S100PBP: variants seen among roughly 807,000 people sequenced by gnomAD.
The protein encoded by S100PBP is S100P binding protein, also known as S100P-binding protein.
A neutral mutation model predicts 39.9 loss-of-function variants in S100PBP; 15 were observed. That is an observed-to-expected ratio of 0.38 (90% CI 0.25 to 0.58). The LOEUF (loss-of-function observed/expected upper bound fraction) is 0.58. Among genes scored for constraint, S100PBP ranks in the 20% least tolerant of loss-of-function variants. The pLI is 0.70. For missense variants in S100PBP, 504 were observed against 487.3 expected (o/e 1.03, Z -0.32); for synonymous variants, 178 against 180.3 (o/e 0.99, Z 0.10).
rs774041376 is a variant in S100PBP, at chr1:32,828,062, G to A, written c.901G>A (p.Val301Ile). 1.9e-6 allele frequency: 3 copies of A among 1,603,812 alleles called. No individual in the cohort carries two copies. The highest frequency in any genetic ancestry group is 1.3e-5 in the African/African-American group (1 of 74,582). ...HERRLGKVIP[V>I]LQTKTRTNVP... ...GAGAAGACTAGGCAAAGTCATTCCTGTTCTACAAACTAAGACCAGGTAATG... is the reference window on the plus strand; with the variant it reads ...GAGAAGACTAGGCAAAGTCATTCCTATTCTACAAACTAAGACCAGGTAATG... The change falls in exon 4 of 7, where the codon GTT (valine) becomes ATT (isoleucine). Residue 301 changes from valine to isoleucine, a missense_variant. Val to Ile is a conservative substitution (Grantham distance 29). Coordinates refer to ENST00000373475, the MANE Select transcript of S100PBP (RefSeq NM_022753.4).
chr1:32,826,577 C>G lies in S100PBP; in HGVS notation c.478C>G (p.Leu160Val). The change falls in exon 3 of 7, where the codon CTT becomes GTT. Residue 160 changes from leucine to valine, a missense_variant. Coordinates refer to ENST00000373475, the MANE Select transcript of S100PBP (RefSeq NM_022753.4). Reference sequence around the variant, plus strand: ...TAATCCAACAGTTTGTGATGCTCTGCTTGATAAGGACGAGACTGATTCGTC... The same window carrying G: ...TAATCCAACAGTTTGTGATGCTCTGGTTGATAAGGACGAGACTGATTCGTC... ...PFNPTVCDAL[L>V]DKDETDSSKD... The G allele has an allele frequency of 6.2e-7, 1 of 1,613,780 alleles. No homozygotes were observed. The highest frequency in any genetic ancestry group is 8.5e-7 in the Non-Finnish European group (1 of 1,179,984).
chr1:32,836,667 C>A, intron 5 of S100PBP: 1 of 733,360 alleles, frequency 1.4e-6, no homozygotes, highest in Non-Finnish European at 1.7e-6. Context: ...TGTTCTACTG[C>A]TCCAATTTGC....
chr1:32,843,248 G>A (rs995604559), intron 5 of S100PBP: 1 of 152,116 alleles, frequency 6.6e-6, no homozygotes, highest in Non-Finnish European at 1.5e-5. Flanking sequence ...TGACTTGGAT[G>A]CCTTTTATTT....
intron 5 of S100PBP, among the ~76,000 whole-genome samples, chr1:32,843,470 T>C (rs978501769): frequency 1.3e-5 from 2 of 151,880 alleles, no homozygotes; most frequent in Non-Finnish European, 2.9e-5. Flanking sequence ...AATTTTTTTT[T>C]TTTTGAGATG....
At chr1:32,820,925 A>G (rs903597386) in intron 1 of S100PBP, among the ~76,000 whole-genome samples, 3 of 152,200 alleles carry the variant, frequency 2.0e-5, no homozygotes, top group Non-Finnish European at 4.4e-5. Context: ...GCAGTGAGCT[A>G]TGATCACGCC....
intron 1 of S100PBP, among the ~76,000 whole-genome samples, chr1:32,819,887 T>C (rs960559493): frequency 6.6e-6 from 1 of 152,192 alleles, no homozygotes; most frequent in African/African-American, 2.4e-5. Flanking sequence ...TTTAGATGCA[T>C]GTTCTCATCT....
At chr1:32,824,904 A>G (rs1418276172) in intron 1 of S100PBP, 1 of 147,784 alleles carries the variant, frequency 6.8e-6, no homozygotes, top group Non-Finnish European at 1.5e-5. Flanking sequence ...AACCTTAGAC[A>G]TTGCCTAGCA....
intron 4 of S100PBP, among the ~76,000 whole-genome samples, chr1:32,829,012 T>C (rs1159397093): frequency 6.6e-6 from 1 of 152,174 alleles, no homozygotes; most frequent in Non-Finnish European, 1.5e-5. Context: ...AAAATAAAAA[T>C]TTAAATTATT....
intron 5 of S100PBP, among the ~76,000 whole-genome samples, chr1:32,838,919 T>C (rs1018940148): frequency 1.3e-5 from 2 of 152,182 alleles, no homozygotes; most frequent in Non-Finnish European, 2.9e-5. Context: ...GCCATCACCA[T>C]ATCCATTTCA....
chr1:32,834,578 T>C (rs1639736620), intron 5 of S100PBP, among the ~76,000 whole-genome samples: 2 of 152,218 alleles, frequency 1.3e-5, no homozygotes, highest in Admixed American at 6.5e-5. Context: ...CTACACTATA[T>C]CCTTCTAATC....
intron 1 of S100PBP, among the ~76,000 whole-genome samples, chr1:32,822,723 G>A (rs1007593573): frequency 6.6e-6 from 1 of 151,790 alleles, no homozygotes; most frequent in South Asian, 2.1e-4. Flanking sequence ...CCATATATAT[G>A]GTATTGTTTT....
At chr1:32,841,842 GT>G (rs1048464698) in intron 5 of S100PBP, among the ~76,000 whole-genome samples, 1 of 151,232 alleles carries the variant, frequency 6.6e-6, no homozygotes, top group African/African-American at 2.4e-5. Context: ...TTTTCTAGAG[GT>G]TTTATAGCTT....
chr1:32,828,270 C>A (rs1639430103), intron 4 of S100PBP, among the ~76,000 whole-genome samples, 189 bp downstream of exon 4: 1 of 151,940 alleles, frequency 6.6e-6, no homozygotes, highest in Admixed American at 6.6e-5. Flanking sequence ...AGTTTTTATG[C>A]ATGAAATAAG....
At chr1:32,829,166 G>A (rs962695895) in intron 4 of S100PBP, among the ~76,000 whole-genome samples, 3 of 151,394 alleles carry the variant, frequency 2.0e-5, no homozygotes, top group Admixed American at 1.3e-4. Flanking sequence ...GGCTACTTGG[G>A]ACAGTAATAA....
Position 32,818,360 on chromosome 1 carries a change from A to G in S100PBP, c.-120+671A>G, listed in dbSNP as rs555714476. 4.6e-5 allele frequency among the ~76,000 whole-genome samples: 7 copies of G among 152,282 alleles called. No individual in the cohort carries two copies. The East Asian group carries it at 1.4e-3, about 29-fold the overall frequency. On this transcript the variant is annotated intron_variant, in intron 1 of 6. Coordinates refer to ENST00000373475, the MANE Select transcript of S100PBP (RefSeq NM_022753.4). Reference sequence around the variant, plus strand: ...ATCCTCCAAAGGTTGGGCCTGGGCCACCCTTTCTCCGGCTCCTCAAGGGCT... The same window carrying G: ...ATCCTCCAAAGGTTGGGCCTGGGCCGCCCTTTCTCCGGCTCCTCAAGGGCT...
intron 6 of S100PBP, among the ~76,000 whole-genome samples, chr1:32,854,369 A>C (rs1380408996): frequency 6.6e-6 from 1 of 152,246 alleles, no homozygotes; most frequent in Non-Finnish European, 1.5e-5. Flanking sequence ...AATGCTATGC[A>C]AATAGTTGTT....
chr1:32,836,663 A>G, intron 5 of S100PBP: 3 of 779,534 alleles, frequency 3.8e-6, no homozygotes, highest in Non-Finnish European at 3.1e-6. Flanking sequence ...CTTCTGTTCT[A>G]CTGCTCCAAT....
At position 32,825,817 on chromosome 1, in the gene S100PBP, G is replaced by A. The variant is rs111289725; in HGVS notation, c.-2-281G>A. The stretch of plus-strand genomic sequence containing the variant: ...TCACAAAATATCGTACTGACTTAAC[G>A]CTTTTACTGATAGTGTGTGAATGCT... On this transcript the variant is annotated intron_variant, in intron 2 of 6. Transcript: ENST00000373475. 2.0e-3 allele frequency among the ~76,000 whole-genome samples: 312 copies of A among 152,280 alleles called. 1 individual carries two copies. Among genetic ancestry groups the A allele is most frequent in the Admixed American group, 3.5e-3 (53 of 15,290 alleles).
chr1:32,824,226 T>C (rs1017947674), intron 1 of S100PBP, among the ~76,000 whole-genome samples: 2 of 148,046 alleles, frequency 1.4e-5, no homozygotes, highest in African/African-American at 2.5e-5. Context: ...AAAAAAGGAA[T>C]GCATGAACTA....
Sources: gnomAD v4.1 joint callset for allele counts (sites outside exome capture counted in the v4.1 genomes callset) on GRCh38, gnomAD v4.1.1 for gene constraint, MANE v1.5 for transcripts, NCBI Gene and HGNC (gene_info 2026-07-23, HGNC 2026-07-21) for gene names.